Variants in SLC1A6 observed in about 807,000 individuals in gnomAD.
SLC1A6 encodes solute carrier family 1 member 6.
In SLC1A6, 15 loss-of-function variants were observed where a neutral mutation model predicts 42.1. The ratio of observed to expected loss-of-function variants is 0.36; its 90% CI spans 0.24 to 0.55. The LOEUF (loss-of-function observed/expected upper bound fraction) is 0.55, where lower values mean the gene tolerates loss of function less well. Among genes scored for constraint, SLC1A6 ranks in the 20% least tolerant of loss-of-function variants. The pLI is 0.88. For synonymous variants in SLC1A6, 317 were observed against 319.7 expected (o/e 0.99, Z 0.09); for missense variants, 542 against 772.5 (o/e 0.70, Z 3.54).
chr19:14,989,061 A>G (rs756908413), intron 1 of SLC1A6, among the ~76,000 whole-genome samples: 18 of 152,052 alleles, frequency 1.2e-4, no homozygotes, highest in Non-Finnish European at 1.9e-4. Flanking sequence ...TGTTCTCACA[A>G]ATGGGAGCTA....
At chr19:14,994,116 T>C (rs1329804913) in intron 1 of SLC1A6, among the ~76,000 whole-genome samples, 1 of 152,168 alleles carries the variant, frequency 6.6e-6, no homozygotes, top group African/African-American at 2.4e-5. Flanking sequence ...ACCTTCAAGA[T>C]GGCCTCCAGG....
intron 7 of SLC1A6, among the ~76,000 whole-genome samples, chr19:14,954,595 G>T (rs963204887): frequency 6.6e-6 from 1 of 152,134 alleles, no homozygotes; most frequent in Non-Finnish European, 1.5e-5. Context: ...GGCGTGGCAA[G>T]GCAGGGCGGG....
At chr19:14,966,875 G>C (rs529852056) in intron 4 of SLC1A6, among the ~76,000 whole-genome samples, 3 of 151,980 alleles carry the variant, frequency 2.0e-5, no homozygotes, top group Non-Finnish European at 4.4e-5. Flanking sequence ...GGGGCCTTTT[G>C]GGGGCTGTGG....
chr19:14,964,018 A>G, intron 5 of SLC1A6: 1 of 224,832 alleles, frequency 4.4e-6, no homozygotes, highest in Non-Finnish European at 8.6e-6. Context: ...TGAAAGACAG[A>G]GAGTCTCATT....
chr19:14,995,379 AGGG>A (rs2045841197), intron 1 of SLC1A6, among the ~76,000 whole-genome samples: 1 of 149,082 alleles, frequency 6.7e-6, no homozygotes, highest in Non-Finnish European at 1.5e-5. Flanking sequence ...AGGGAAGGGA[AGGG>A]AAGGGAAGGG....
chr19:14,953,050 T>C lies in SLC1A6; in HGVS notation c.1377A>G (p.Thr459=). 2 of 1,613,218 alleles carry C rather than the reference T, an allele frequency of 1.2e-6. No homozygotes were observed. Among genetic ancestry groups the C allele is most frequent in the Non-Finnish European group, 1.7e-6 (2 of 1,179,588 alleles). ...TGCCAGCAGCCCCAACACTGGCTGC[T>C]GTGGCCGTGATGCTGCAGGGGGAGG... The part of the protein sequence containing the change: ...GQITTISITA[T]AASVGAAGIP... The change falls in exon 9 of 10, where the codon ACA becomes ACG. Residue 459 remains threonine, a synonymous_variant. Coordinates refer to ENST00000594383, the MANE Select transcript of SLC1A6 (RefSeq NM_005071.3).
chr19:15,007,824 A>G (rs2045902960), intron 1 of SLC1A6, among the ~76,000 whole-genome samples: 1 of 152,124 alleles, frequency 6.6e-6, no homozygotes. Context: ...CAGGACTTTG[A>G]GACCAGCCTG....
At position 14,968,407 on chromosome 19, in the gene SLC1A6, G is replaced by A; in HGVS notation, c.444C>T (p.Leu148=). The A allele has an allele frequency of 6.2e-7, 1 of 1,613,862 alleles. No individual in the cohort carries two copies. The highest frequency in any genetic ancestry group is 2.2e-5 in the East Asian group (1 of 44,868). ...TTIIAVFIGI[L]MVTIIHPGKG... is the part of the protein sequence containing the mutation. The stretch of plus-strand genomic sequence containing the variant: ...TCCCGGGATGGATGATGGTGACCAT[G>A]AGGATGCCGATGAAGACCGCGATGA... The change falls in exon 4 of 10, where the codon CTC becomes CTT. Residue 148 remains leucine, a synonymous_variant. Transcript: ENST00000594383.
chr19:14,965,155 G>A (rs188215535), intron 4 of SLC1A6, among the ~76,000 whole-genome samples: 2 of 152,108 alleles, frequency 1.3e-5, no homozygotes, highest in East Asian at 3.9e-4. Flanking sequence ...AAGTAGCTGG[G>A]ATTAAAGTTG....
upstream of SLC1A6, chr19:14,979,926 C>G (rs1414692097): frequency 2.0e-5 from 3 of 151,890 alleles, no homozygotes; most frequent in Non-Finnish European, 4.4e-5. The surrounding 1 kb of genome is among the most constrained non-coding windows in gnomAD (Gnocchi z 4.2). Context: ...CTCGGAGCCG[C>G]GCCTCCGCGC....
Position 14,954,146 on chromosome 19 carries a change from G to A in SLC1A6, c.1353C>T (p.Ile451=), listed in dbSNP as rs1382255315. 3.1e-6 allele frequency: 5 copies of A among 1,604,148 alleles called. No individual in the cohort carries two copies. Among genetic ancestry groups the A allele is most frequent in the South Asian group, 2.2e-5 (2 of 89,158 alleles). Residue 451 remains isoleucine (I), a synonymous_variant, in exon 8 of 10, where the codon ATC becomes ATT. Coordinates refer to ENST00000594383, the MANE Select transcript of SLC1A6 (RefSeq NM_005071.3). ...VNNYELNLGQ[I]TTISITATAA... ...CCAAGCCCCCTCACCTGATGGTTGT[G>A]ATCTGACCCAGGTTGAGCTCGTAGT...
upstream of SLC1A6, among the ~76,000 whole-genome samples, chr19:14,984,263 C>T (rs934739530): frequency 7.9e-5 from 12 of 152,042 alleles, no homozygotes; most frequent in African/African-American, 2.7e-4. Context: ...GAGCTGACAT[C>T]GCACCATTGT....
intron 1 of SLC1A6, among the ~76,000 whole-genome samples, chr19:14,992,072 C>G (rs1263476647): frequency 6.6e-6 from 1 of 152,106 alleles, no homozygotes; most frequent in Non-Finnish European, 1.5e-5. Flanking sequence ...GTGATCCACC[C>G]GCCTCAGCCT....
chr19:14,987,469 GA>G (rs199940367), intron 1 of SLC1A6, among the ~76,000 whole-genome samples: 32 of 150,952 alleles, frequency 2.1e-4, no homozygotes, highest in Admixed American at 7.9e-4. Flanking sequence ...CTCTGTCTCG[GA>G]AAAAAAAAAT....
chr19:14,952,782 A>AG (rs2045425480), intron 9 of SLC1A6, 146 bp downstream of exon 9: 2 of 917,094 alleles, frequency 2.2e-6, no homozygotes, highest in Non-Finnish European at 3.1e-6. Context: ...CATGGATTGG[A>AG]GGCCTCTCCA....
chr19:14,964,291 T>C, intron 5 of SLC1A6, 28 bp downstream of exon 5: 3 of 1,608,242 alleles, frequency 1.9e-6, no homozygotes, highest in Non-Finnish European at 2.6e-6. Flanking sequence ...CCGAATCTCC[T>C]TGATCAAACT....
chr19:14,959,071 A>G (rs1396037614), intron 6 of SLC1A6, among the ~76,000 whole-genome samples: 1 of 152,220 alleles, frequency 6.6e-6, no homozygotes, highest in Admixed American at 6.5e-5. Context: ...GTTAAGCCCT[A>G]TCCTATGTAG....
upstream of SLC1A6, among the ~76,000 whole-genome samples, chr19:14,983,438 C>T (rs939143418): frequency 4.6e-5 from 7 of 151,876 alleles, no homozygotes; most frequent in Non-Finnish European, 5.9e-5. Flanking sequence ...ATCCCAGCCG[C>T]GCTTTGGGAA....
In SLC1A6 at chr19:14,971,920, A is replaced by T. The variant is rs368489740; in HGVS notation, c.206-46T>A. 2.5e-6 allele frequency: 4 copies of T among 1,604,626 alleles called. No individual in the cohort carries two copies. The South Asian group carries it at 4.4e-5, about 18-fold the overall frequency. On this transcript the variant is annotated intron_variant, in intron 2 of 9. Transcript: ENST00000594383. ...CCATGGACTGAAGTCTGGGTCGCTC[A>T]GCCCCAGGCAGGGTCCATCCATCCC... is the stretch of plus-strand genomic sequence containing the variant.
Sources: allele counts gnomAD v4.1 joint callset (sites outside exome capture counted in the v4.1 genomes callset), GRCh38; gene constraint gnomAD v4.1.1; non-coding constraint Gnocchi (gnomAD v3.1); transcripts MANE v1.5; gene names NCBI Gene and HGNC (gene_info 2026-07-23, HGNC 2026-07-21).